The following PTPRR variants were observed in gnomAD, a reference collection of about 807,000 sequenced individuals.
PTPRR encodes the protein protein tyrosine phosphatase receptor type R, also known as receptor-type tyrosine-protein phosphatase R.
A neutral mutation model predicts 77.2 loss-of-function variants in PTPRR; 38 were observed. The ratio of observed to expected loss-of-function variants is 0.49; its 90% CI spans 0.38 to 0.65. The LOEUF is 0.65. Ranked by LOEUF, PTPRR falls within the 30% of genes least tolerant of loss-of-function variation. The pLI, the probability that PTPRR is intolerant of heterozygous loss-of-function variation, is 0.00. For missense variants in PTPRR, 744 were observed against 799.2 expected, an observed-to-expected ratio of 0.93 and a Z score of 0.83; for synonymous variants, 299 against 283.1, an observed-to-expected ratio of 1.06 and a Z score of -0.57.
chr12:70,816,835 G>A (rs553386037), intron 2 of PTPRR, among the ~76,000 whole-genome samples: 1 of 152,058 alleles, frequency 6.6e-6, no homozygotes, highest in African/African-American at 2.4e-5. Flanking sequence ...AAGTTACAAT[G>A]TTTGATTTTA....
At chr12:70,760,140 A>C (rs1197027813) in intron 4 of PTPRR, among the ~76,000 whole-genome samples, 6 of 152,208 alleles carry the variant, frequency 3.9e-5, no homozygotes, top group Non-Finnish European at 7.3e-5. Context: ...TCTGCTACCT[A>C]GGCTGTGTGA....
At chr12:70,733,492 G>GA (rs1233574373) in intron 6 of PTPRR, among the ~76,000 whole-genome samples, 2 of 76,610 alleles carry the variant, frequency 2.6e-5, no homozygotes, top group Admixed American at 1.2e-4. Flanking sequence ...GAAAAAAAAA[G>GA]AAAAAAAAAG....
intron 6 of PTPRR, among the ~76,000 whole-genome samples, chr12:70,704,727 C>T (rs892980935): frequency 9.9e-5 from 15 of 151,748 alleles, no homozygotes; most frequent in Admixed American, 6.6e-5. Flanking sequence ...AACATATAAA[C>T]TTATGGGAAA....
chr12:70,703,816 T>C (rs906716688), intron 6 of PTPRR, among the ~76,000 whole-genome samples: 17 of 152,100 alleles, frequency 1.1e-4, no homozygotes, highest in Non-Finnish European at 2.9e-5. Context: ...CCTCTGTCAA[T>C]GGAGTGATGC....
chr12:70,653,474 G>T (rs1418941710), intron 13 of PTPRR, among the ~76,000 whole-genome samples: 1 of 152,108 alleles, frequency 6.6e-6, no homozygotes, highest in Non-Finnish European at 1.5e-5. Context: ...AGCAGGATTG[G>T]GGGGTAAAGA....
chr12:70,893,074 T>C, intron 1 of PTPRR, 97 bp from the exon 2 acceptor site: 1 of 1,314,824 alleles, frequency 7.6e-7, no homozygotes, highest in Non-Finnish European at 1.0e-6. Flanking sequence ...TTGAGAGGCT[T>C]TAAGACTTGT....
intron 6 of PTPRR, among the ~76,000 whole-genome samples, chr12:70,728,456 A>G (rs1431187442): frequency 1.2e-5 from 1 of 80,142 alleles, no homozygotes; most frequent in Non-Finnish European, 2.5e-5. Flanking sequence ...TCAATTATAT[A>G]TATATACATA....
intron 2 of PTPRR, among the ~76,000 whole-genome samples, chr12:70,800,897 TAAA>T (rs201965125): frequency 4.2e-5 from 5 of 118,024 alleles, no homozygotes; most frequent in Admixed American, 8.9e-5. Flanking sequence ...CTCCATCTCA[TAAA>T]AAAAAAAAAA....
chr12:70,811,878 G>A (rs939589569), intron 2 of PTPRR, among the ~76,000 whole-genome samples: 7 of 152,166 alleles, frequency 4.6e-5, no homozygotes, highest in African/African-American at 1.7e-4. Context: ...TTCTTGTACA[G>A]ACTTTGCCTG....
At chr12:70,740,481 T>C (rs556225617) in intron 6 of PTPRR, among the ~76,000 whole-genome samples, 2 of 152,100 alleles carry the variant, frequency 1.3e-5, no homozygotes, top group African/African-American at 4.8e-5. Flanking sequence ...CAAGTGATCC[T>C]CCCACCTCAG....
chr12:70,787,661 T>G (rs181108335), intron 2 of PTPRR, among the ~76,000 whole-genome samples: 1 of 152,300 alleles, frequency 6.6e-6, no homozygotes, highest in African/African-American at 2.4e-5. Flanking sequence ...CATTATTACC[T>G]GCTCATGTCT....
intron 2 of PTPRR, among the ~76,000 whole-genome samples, chr12:70,827,710 T>C (rs1216644287): frequency 1.5e-5 from 1 of 65,038 alleles, no homozygotes; most frequent in Non-Finnish European, 2.6e-5. Context: ...CACACCTGGC[T>C]TTTTTTTTTT....
chr12:70,776,797 T>A (rs1486667983), intron 2 of PTPRR, among the ~76,000 whole-genome samples: 2 of 152,092 alleles, frequency 1.3e-5, no homozygotes, highest in African/African-American at 2.4e-5. Flanking sequence ...CCCTGACTTC[T>A]CCCCCTTCTT....
At chr12:70,707,427 A>G (rs1888658446) in intron 6 of PTPRR, among the ~76,000 whole-genome samples, 1 of 143,864 alleles carries the variant, frequency 7.0e-6, no homozygotes. Context: ...TTTTAAAAAA[A>G]CTATATCATG....
intron 8 of PTPRR, among the ~76,000 whole-genome samples, chr12:70,693,216 T>G (rs919525069): frequency 6.6e-6 from 1 of 152,248 alleles, no homozygotes; most frequent in South Asian, 2.1e-4. Flanking sequence ...ACAGTTTCCC[T>G]GTAAAGCTAA....
chr12:70,673,729 A>G (rs998752449), intron 10 of PTPRR, among the ~76,000 whole-genome samples: 3 of 152,180 alleles, frequency 2.0e-5, no homozygotes, highest in African/African-American at 7.2e-5. Context: ...ATTCAAACCA[A>G]AGTGGGCAGG....
chr12:70,774,460 C>T (rs145878458), intron 2 of PTPRR, among the ~76,000 whole-genome samples: 2 of 152,218 alleles, frequency 1.3e-5, no homozygotes, highest in East Asian at 3.9e-4. Flanking sequence ...GGCAACTTTG[C>T]AAAAATATGA....
In PTPRR at chr12:70,718,472, G is replaced by T. The variant is rs555169106; in HGVS notation, c.1008-17149C>A. Among the ~76,000 whole-genome samples the T allele has an allele frequency of 1.6e-3, 239 of 152,162 alleles. 2 individuals are homozygous for T. Among genetic ancestry groups the T allele is most frequent in the African/African-American group, 5.6e-3 (234 of 41,502 alleles). ...AGTAGAGACGGGGTTTCACCATGATGGCTGGGCTGGTCTCAAACTCCTGAC... is the reference window on the plus strand; with the variant it reads ...AGTAGAGACGGGGTTTCACCATGATTGCTGGGCTGGTCTCAAACTCCTGAC... On this transcript the variant is annotated intron_variant, in intron 6 of 13. Coordinates refer to ENST00000283228, the MANE Select transcript of PTPRR (RefSeq NM_002849.4).
chr12:70,845,589 G>A lies in PTPRR; in HGVS notation c.357+47090C>T, dbSNP rs1239221881. Among the ~76,000 whole-genome samples, 6 of 152,014 alleles carry A rather than the reference G, an allele frequency of 3.9e-5. No individual in the cohort carries two copies. In the East Asian group the frequency reaches 9.7e-4, roughly 25 times the overall value. ...CTTCCTTTGCTTCTCCCAGCTCTCCGTATTTTTAAATTAACCTAAAAAGTC... is the reference window on the plus strand; with the variant it reads ...CTTCCTTTGCTTCTCCCAGCTCTCCATATTTTTAAATTAACCTAAAAAGTC... On this transcript the variant is annotated intron_variant, in intron 2 of 13. Coordinates refer to ENST00000283228, the MANE Select transcript of PTPRR (RefSeq NM_002849.4).
Sources: allele counts gnomAD v4.1 joint callset (sites outside exome capture counted in the v4.1 genomes callset), GRCh38; gene constraint gnomAD v4.1.1; transcripts MANE v1.5; gene names NCBI Gene and HGNC (gene_info 2026-07-23, HGNC 2026-07-21).